The following WDR47 variants were observed in gnomAD, a reference collection of about 807,000 sequenced individuals.
The protein encoded by WDR47 is WD repeat domain 47.
A neutral mutation model predicts 97.2 loss-of-function variants in WDR47; 32 were observed. The observed-to-expected ratio is 0.33, with a 90% confidence interval of 0.25 to 0.44. The LOEUF (loss-of-function observed/expected upper bound fraction) is 0.44. WDR47 is among the 20% of genes least tolerant of loss of function. The pLI, the probability that WDR47 is intolerant of heterozygous loss-of-function variation, is 1.00. For missense variants in WDR47, 782 were observed against 1,102.3 expected (o/e 0.71, Z 4.11); for synonymous variants, 375 against 373.5 (o/e 1.00, Z -0.05).
intron 8 of WDR47, chr1:108,992,203 A>G (rs908566247): frequency 2.7e-6 from 2 of 752,294 alleles, no homozygotes; most frequent in East Asian, 4.9e-5. Flanking sequence ...AAATTAGATA[A>G]TAAGAAAGAC....
intron 1 of WDR47, among the ~76,000 whole-genome samples, chr1:109,025,901 A>C (rs867665613): frequency 1.3e-4 from 20 of 152,272 alleles, no homozygotes; most frequent in Middle Eastern, 3.4e-3. Flanking sequence ...AGTAAATCAC[A>C]AACTTATCTC....
At chr1:108,979,788 T>C (rs1216717921) in intron 13 of WDR47, among the ~76,000 whole-genome samples, 9 of 152,348 alleles carry the variant, frequency 5.9e-5, no homozygotes, top group African/African-American at 2.2e-4. Flanking sequence ...ATTGTTTACA[T>C]TATTTTAACC....
chr1:108,971,293 TG>T lies in WDR47; in HGVS notation c.*136del. ...AACACCACCCAACACCTCCTATCAGTGGGATACATGGTAATAAGGGGCCTCT... is the reference window on the plus strand; with the variant it reads ...AACACCACCCAACACCTCCTATCAGTGGATACATGGTAATAAGGGGCCTCT... On this transcript the variant is annotated 3_prime_UTR_variant, in exon 15 of 15. Transcript: ENST00000369962. 8.5e-7 allele frequency: 1 copy of T among 1,177,262 alleles called. No homozygotes were observed. The highest frequency in any genetic ancestry group is 1.2e-6 in the Non-Finnish European group (1 of 840,236). The allele number at this position is 1,177,262 out of a possible 1,614,324, so 72.9% of individuals were successfully genotyped here. A position where few individuals can be genotyped will look rare whatever the true frequency, so the allele number is the denominator to read the frequency against.
chr1:109,024,459 A>AG (rs1662064939), intron 1 of WDR47, among the ~76,000 whole-genome samples: 2 of 152,138 alleles, frequency 1.3e-5, no homozygotes, highest in South Asian at 4.1e-4. Flanking sequence ...TCTCAAAAAA[A>AG]AAAGAAAGAA....
intron 1 of WDR47, among the ~76,000 whole-genome samples, chr1:109,040,222 A>T (rs568253507): frequency 3.9e-4 from 59 of 152,162 alleles, no homozygotes; most frequent in Non-Finnish European, 2.6e-4. Flanking sequence ...AAATACAGGT[A>T]ATCTGATTTT....
chr1:109,013,744 C>T (rs1421138933), intron 4 of WDR47, 97 bp downstream of exon 4: 6 of 1,341,296 alleles, frequency 4.5e-6, no homozygotes, highest in East Asian at 4.6e-5. Context: ...CATAAAAACT[C>T]TGAAAACTTG....
In WDR47 at chr1:108,971,280, C is replaced by A; in HGVS notation, c.*150G>T. On this transcript the variant is annotated 3_prime_UTR_variant, in exon 15 of 15. Transcript: ENST00000369962. ...AGCACTGCGGAATAACACCACCCAA[C>A]ACCTCCTATCAGTGGGATACATGGT... 9.5e-7 allele frequency: 1 copy of A among 1,055,440 alleles called. No individual in the cohort carries two copies. The highest frequency in any genetic ancestry group is 2.5e-5 in the East Asian group (1 of 40,158). 65.4% of individuals were successfully genotyped at this position (1,055,440 alleles called of 1,614,324 possible). A position where few individuals can be genotyped will look rare whatever the true frequency, so the allele number is the denominator to read the frequency against.
intron 4 of WDR47, 103 bp from the exon 5 acceptor site, chr1:109,011,821 C>T (rs888720169): frequency 6.4e-6 from 7 of 1,094,830 alleles, no homozygotes; most frequent in Non-Finnish European, 9.0e-6. Context: ...CCACAGAATA[C>T]TCATATAATT....
intron 3 of WDR47, among the ~76,000 whole-genome samples, chr1:109,015,983 A>G (rs1452393358): frequency 0.035 from 20 of 566 alleles, no homozygotes; most frequent in Admixed American, 0.05. Context: ...ACTCCATCTC[A>G]AAAAAAAAAA....
At position 108,981,824 on chromosome 1, in the gene WDR47, A is replaced by G; in HGVS notation, c.2307T>C (p.Ile769=). The part of the protein sequence containing the change: ...LALYTWSGWM[I]ASGSQDKTVR... ...CAGTCTTATCTTGGGAACCAGATGC[A>G]ATCATCCAGCCACTCCAGGTATAAA... The change falls in exon 13 of 15, where the codon ATT becomes ATC. Residue 769 remains isoleucine (I), a synonymous_variant. Transcript: ENST00000369962. 6.2e-7 allele frequency: 1 copy of G among 1,613,982 alleles called. No individual in the cohort carries two copies. The highest frequency in any genetic ancestry group is 8.5e-7 in the Non-Finnish European group (1 of 1,179,914).
intron 1 of WDR47, among the ~76,000 whole-genome samples, chr1:109,026,913 C>G (rs1273163877): frequency 1.3e-5 from 2 of 151,994 alleles, no homozygotes; most frequent in African/African-American, 2.4e-5. Flanking sequence ...TTTATACTGA[C>G]AGTTGAAGGT....
intron 2 of WDR47, among the ~76,000 whole-genome samples, chr1:109,021,527 C>CAA (rs370414324): frequency 0.089 from 10,976 of 123,562 alleles, 666 homozygotes; most frequent in Middle Eastern, 0.11. Context: ...GCCTCTATCT[C>CAA]AAAAAAAAAA....
chr1:108,982,585 G>T, intron 12 of WDR47, 24 bp downstream of exon 12: 1 of 1,558,362 alleles, frequency 6.4e-7, no homozygotes, highest in Non-Finnish European at 8.6e-7. Flanking sequence ...AAGAAAAACA[G>T]CACTTGAAAC....
chr1:109,015,386 C>T (rs1293165102), intron 3 of WDR47, among the ~76,000 whole-genome samples: 5 of 152,118 alleles, frequency 3.3e-5, no homozygotes, highest in African/African-American at 1.2e-4. Context: ...TGCAGTGGCA[C>T]GATCTCGGCT....
chr1:108,995,251 T>G (rs1659660108), intron 8 of WDR47, among the ~76,000 whole-genome samples: 1 of 152,202 alleles, frequency 6.6e-6, no homozygotes, highest in African/African-American at 2.4e-5. Context: ...TTAAGATTAT[T>G]TGTTCAAAGA....
chr1:108,985,381 C>G (rs1249889803), intron 10 of WDR47, among the ~76,000 whole-genome samples: 1 of 152,160 alleles, frequency 6.6e-6, no homozygotes, highest in East Asian at 1.9e-4. Context: ...GTTACTCCTC[C>G]TTAGATCTCA....
intron 1 of WDR47, among the ~76,000 whole-genome samples, chr1:109,028,369 T>TTTTTTG (rs1422454289): frequency 3.0e-5 from 4 of 133,488 alleles, no homozygotes; most frequent in East Asian, 2.2e-4. Context: ...TGGGTTTTTT[T>TTTTTTG]TTTTTTTTTT....
chr1:109,004,729 C>A lies in WDR47; in HGVS notation c.1131-14G>T. 1 of 1,562,278 alleles carries A rather than the reference C, an allele frequency of 6.4e-7. No homozygotes were observed. Among genetic ancestry groups the A allele is most frequent in the Non-Finnish European group, 8.6e-7 (1 of 1,158,524 alleles). ...ACAGGTGTATCACTTCTTCCAGAAACGTGCAAAAAAACAAAAAGGCAGAGG... is the reference window on the plus strand; with the variant it reads ...ACAGGTGTATCACTTCTTCCAGAAAAGTGCAAAAAAACAAAAAGGCAGAGG... On this transcript the variant is annotated splice_polypyrimidine_tract_variant and intron_variant, in intron 5 of 14. Coordinates refer to ENST00000369962, the MANE Select transcript of WDR47 (RefSeq NM_001142551.2).
At chr1:109,002,569 A>C (rs1660299493) in intron 6 of WDR47, among the ~76,000 whole-genome samples, 167 bp from the exon 7 acceptor site, 1 of 152,210 alleles carries the variant, frequency 6.6e-6, no homozygotes, top group Non-Finnish European at 1.5e-5. Flanking sequence ...CTTAATACTC[A>C]AGTGGATCAG....
Sources: allele counts gnomAD v4.1 joint callset (sites outside exome capture counted in the v4.1 genomes callset), GRCh38; gene constraint gnomAD v4.1.1; transcripts MANE v1.5; gene names NCBI Gene and HGNC (gene_info 2026-07-23, HGNC 2026-07-21).